The following DIAPH2 variants were observed in gnomAD, a reference collection of about 807,000 sequenced individuals.
DIAPH2 encodes the protein protein diaphanous homolog 2.
DIAPH2 carries 35 observed loss-of-function variants against 92.7 expected under a neutral mutation model. That is an observed-to-expected ratio of 0.38 (90% CI 0.29 to 0.50). The LOEUF (loss-of-function observed/expected upper bound fraction) is 0.50, where lower values mean the gene tolerates loss of function less well. Ranked by LOEUF, DIAPH2 falls within the 20% of genes least tolerant of loss-of-function variation. The pLI is 0.94. For missense variants in DIAPH2, 701 were observed against 819.5 expected (o/e 0.86, Z 1.77); for synonymous variants, 301 against 280.4 (o/e 1.07, Z -0.73).
In DIAPH2 at chrX:97,294,644, A is replaced by G. The variant is rs776131310; in HGVS notation, c.2844+46805A>G. 1.6e-4 allele frequency among the ~76,000 whole-genome samples: 18 copies of G among 112,082 alleles called. No homozygotes were observed. The East Asian group carries it at 5.0e-3, about 31-fold the overall frequency. ...TAGCACTTAATATAACAATTTAGATATATCATACTCTATTGAACTTTGAAG... is the reference window on the plus strand; with the variant it reads ...TAGCACTTAATATAACAATTTAGATGTATCATACTCTATTGAACTTTGAAG... On this transcript the variant is annotated intron_variant, in intron 23 of 26. Transcript: ENST00000324765.
chrX:97,175,840 A>G (rs2067487273), intron 22 of DIAPH2, among the ~76,000 whole-genome samples: 2 of 112,175 alleles, frequency 1.8e-5, no homozygotes, highest in Admixed American at 1.9e-4. Flanking sequence ...AAATATTTTT[A>G]CAGACGAATG....
chrX:96,832,440 G>C, intron 4 of DIAPH2, among the ~76,000 whole-genome samples: 1 of 110,762 alleles, frequency 9.0e-6, no homozygotes, highest in East Asian at 2.8e-4. Context: ...AAATAGATAG[G>C]TTATTTTCTG....
At chrX:97,026,543 C>T (rs1318823211) in intron 17 of DIAPH2, among the ~76,000 whole-genome samples, 2 of 111,603 alleles carry the variant, frequency 1.8e-5, no homozygotes, top group African/African-American at 3.3e-5. Flanking sequence ...AGAAACAATG[C>T]CTTTAAATAG....
At chrX:96,784,114 A>G (rs2064438338) in intron 4 of DIAPH2, among the ~76,000 whole-genome samples, 1 of 112,246 alleles carries the variant, frequency 8.9e-6, no homozygotes, top group Middle Eastern at 4.6e-3. Flanking sequence ...TGCTTTATCA[A>G]TCTGCTTTCC....
In DIAPH2 at chrX:97,194,285, T is replaced by A. The variant is rs1000566867; in HGVS notation, c.2719+52491T>A. Among the ~76,000 whole-genome samples the A allele has an allele frequency of 1.8e-4, 17 of 93,861 alleles. No homozygotes were observed. In the South Asian group the frequency reaches 3.3e-3, roughly 18 times the overall value. 81.5% of individuals were successfully genotyped at this position (93,861 alleles called of 115,157 possible). On this transcript the variant is annotated intron_variant, in intron 22 of 26. Transcript: ENST00000324765. ...CATTTCCATTTTAATATCCTAGAAA[T>A]TTTTTTTTTTTTTTTTGACGGAGTC...
At chrX:96,861,593 C>G (rs114754378) in intron 4 of DIAPH2, among the ~76,000 whole-genome samples, 2,046 of 111,896 alleles carry the variant, frequency 0.018, 36 homozygotes, top group African/African-American at 0.063. Flanking sequence ...CCCCTTTCTT[C>G]TATTCGCTAC....
At chrX:97,351,812 C>A (rs1425800709) in intron 24 of DIAPH2, among the ~76,000 whole-genome samples, 19 of 110,070 alleles carry the variant, frequency 1.7e-4, no homozygotes, top group Non-Finnish European at 3.4e-4. Flanking sequence ...CAAAACAAAA[C>A]AAAACAAAAA....
chrX:97,367,963 G>A (rs746452796), intron 24 of DIAPH2, among the ~76,000 whole-genome samples: 24 of 111,601 alleles, frequency 2.2e-4, no homozygotes, highest in African/African-American at 6.8e-4. Flanking sequence ...GCCTCGCTTC[G>A]GCCTCCCAAA....
chrX:97,146,442 C>A (rs996567732), intron 22 of DIAPH2, among the ~76,000 whole-genome samples: 3 of 109,869 alleles, frequency 2.7e-5, no homozygotes, highest in African/African-American at 9.9e-5. Flanking sequence ...CTACCAATAT[C>A]TTTTTTCATA....
At chrX:97,124,104 T>G (rs2067075642) in intron 21 of DIAPH2, among the ~76,000 whole-genome samples, 1 of 112,226 alleles carries the variant, frequency 8.9e-6, no homozygotes. Context: ...ATTAAGAAAT[T>G]GAAATGAGAC....
chrX:97,282,536 C>T (rs993442535), intron 23 of DIAPH2, among the ~76,000 whole-genome samples: 7 of 111,296 alleles, frequency 6.3e-5, no homozygotes, highest in African/African-American at 2.3e-4. Context: ...GTCTCGAACC[C>T]CTGACCTCAT....
chrX:96,758,126 T>C, intron 3 of DIAPH2, 28 bp from the exon 4 acceptor site: 1 of 1,122,372 alleles, frequency 8.9e-7, no homozygotes, highest in Non-Finnish European at 1.2e-6. Context: ...AATTTATCAA[T>C]GCCCACAGTA....
intron 17 of DIAPH2, among the ~76,000 whole-genome samples, chrX:97,048,092 A>C (rs1478797760): frequency 9.0e-6 from 1 of 110,839 alleles, no homozygotes; most frequent in East Asian, 2.8e-4. Flanking sequence ...ATCATTTCAA[A>C]CCTACAGAAA....
intron 26 of DIAPH2, among the ~76,000 whole-genome samples, chrX:97,546,947 A>C (rs756095234): frequency 8.9e-6 from 1 of 111,859 alleles, no homozygotes; most frequent in Non-Finnish European, 1.9e-5. Context: ...ACTTGCACTT[A>C]TTTTCAAATA....
At chrX:96,882,994 A>AAAATCCGG (rs1335587264) in intron 5 of DIAPH2, among the ~76,000 whole-genome samples, 2 of 97,416 alleles carry the variant, frequency 2.1e-5, no homozygotes, top group African/African-American at 7.0e-5. Flanking sequence ...CAAAAAAACA[A>AAAATCCGG]AAATCCGGGA....
chrX:96,755,944 A>G (rs1602481972), intron 3 of DIAPH2, among the ~76,000 whole-genome samples: 1 of 107,981 alleles, frequency 9.3e-6, no homozygotes, highest in African/African-American at 3.4e-5. Context: ...GCTCACTGCA[A>G]CCTCTACCTC....
chrX:97,211,445 G>A (rs1348205380), intron 22 of DIAPH2, among the ~76,000 whole-genome samples: 1 of 111,402 alleles, frequency 9.0e-6, no homozygotes, highest in Non-Finnish European at 1.9e-5. Context: ...TGGTATAGGC[G>A]GGAGGTGGAG....
intron 20 of DIAPH2, 52 bp downstream of exon 20, chrX:97,099,847 C>A (rs2147363289): frequency 6.1e-6 from 4 of 658,116 alleles, no homozygotes; most frequent in East Asian, 7.8e-5. Flanking sequence ...TTAACACTTG[C>A]CAGAAACAGT....
Position 97,383,889 on chromosome X carries a change from A to G in DIAPH2, c.3010-20A>G, listed in dbSNP as rs1191351357. On this transcript the variant is annotated intron_variant, in intron 24 of 26. Transcript: ENST00000324765. The stretch of plus-strand genomic sequence containing the variant: ...ATAAGTAATGGAAAGGTTTCCATTT[A>G]ACTTTGTTTATATGTATAGGAAGCA... The G allele has an allele frequency of 8.7e-7, 1 of 1,152,205 alleles. No homozygotes were observed. Among genetic ancestry groups the G allele is most frequent in the South Asian group, 2.1e-5 (1 of 47,101 alleles). 95.0% of individuals were successfully genotyped at this position (1,152,205 alleles called of 1,213,427 possible).
Sources: gnomAD v4.1 joint callset for allele counts (sites outside exome capture counted in the v4.1 genomes callset) on GRCh38, gnomAD v4.1.1 for gene constraint, MANE v1.5 for transcripts, NCBI Gene and HGNC (gene_info 2026-07-23, HGNC 2026-07-21) for gene names.